The following RBFOX1 variants were observed in gnomAD, a reference collection of about 807,000 sequenced individuals.
RBFOX1 encodes the protein RNA binding protein fox-1 homolog 1.
RBFOX1 carries 8 observed loss-of-function variants against 57.7 expected under a neutral mutation model. That is an observed-to-expected ratio of 0.14 (90% CI 0.08 to 0.25). RBFOX1 has a LOEUF of 0.25. Among genes scored for constraint, RBFOX1 ranks in the 10% least tolerant of loss-of-function variants. The pLI is 1.00. For missense variants in RBFOX1, 611 were observed against 548.5 expected (o/e 1.11, Z -1.14); for synonymous variants, 326 against 222.4 (o/e 1.47, Z -4.15).
intron 4 of RBFOX1, among the ~76,000 whole-genome samples, chr16:7,057,681 C>G (rs1315172411): frequency 1.3e-5 from 2 of 152,130 alleles, no homozygotes; most frequent in African/African-American, 4.8e-5. Context: ...GACTTCATTA[C>G]TGGGGAAAAG....
intron 3 of RBFOX1, among the ~76,000 whole-genome samples, chr16:7,010,664 A>C (rs2093612057): frequency 6.6e-6 from 1 of 152,058 alleles, no homozygotes; most frequent in Non-Finnish European, 1.5e-5. Context: ...CCTGGGTTCA[A>C]GAGATTCTCC....
intron 3 of RBFOX1, among the ~76,000 whole-genome samples, chr16:5,834,730 G>GATACATACATACATAC (rs763479891): frequency 1.8e-4 from 26 of 146,300 alleles, no homozygotes; most frequent in Non-Finnish European, 1.8e-4. Context: ...TAGATACATA[G>GATACATACATACATAC]ATACATACAT....
intron 2 of RBFOX1, among the ~76,000 whole-genome samples, chr16:5,591,785 A>G (rs1283620159): frequency 6.6e-6 from 1 of 152,174 alleles, no homozygotes; most frequent in South Asian, 2.1e-4. Flanking sequence ...AATGGAATTT[A>G]TGTTGTTCCC....
At chr16:7,196,448 C>T (rs1377373164) in intron 4 of RBFOX1, among the ~76,000 whole-genome samples, 2 of 152,196 alleles carry the variant, frequency 1.3e-5, no homozygotes, top group East Asian at 3.9e-4. Context: ...CCATTGCCAA[C>T]ACTGATAGTG....
chr16:6,675,122 T>C (rs143756540), intron 3 of RBFOX1, among the ~76,000 whole-genome samples: 4,230 of 152,146 alleles, frequency 0.028, 199 homozygotes, highest in African/African-American at 0.096. Flanking sequence ...GCCAGGATGG[T>C]CTCGATCTCT....
chr16:6,826,844 A>C (rs1232756463), intron 3 of RBFOX1, among the ~76,000 whole-genome samples: 1 of 152,214 alleles, frequency 6.6e-6, no homozygotes, highest in East Asian at 1.9e-4. Context: ...TTTAAATTGA[A>C]ATCCTCAAAC....
chr16:5,525,332 C>G (rs1261328096), intron 2 of RBFOX1, among the ~76,000 whole-genome samples: 1 of 151,992 alleles, frequency 6.6e-6, no homozygotes, highest in Non-Finnish European at 1.5e-5. Context: ...AACCCTTCCT[C>G]TTGTTTTATA....
At chr16:6,737,440 T>C (rs77174765) in intron 3 of RBFOX1, among the ~76,000 whole-genome samples, 1,899 of 152,268 alleles carry the variant, frequency 0.012, 43 homozygotes, top group African/African-American at 0.043. Flanking sequence ...AGAATTCAAA[T>C]ATTTGAAAGT....
chr16:6,427,909 C>G (rs373455394), intron 2 of RBFOX1, among the ~76,000 whole-genome samples: 123 of 152,248 alleles, frequency 8.1e-4, no homozygotes, highest in African/African-American at 2.8e-3. Flanking sequence ...GTTTTCTCAT[C>G]TGTAAAATGG....
chr16:6,987,525 G>A (rs1487153685), intron 3 of RBFOX1, among the ~76,000 whole-genome samples: 1 of 144,642 alleles, frequency 6.9e-6, no homozygotes. Flanking sequence ...CCCACACATT[G>A]CAAACATAAT....
chr16:7,485,733 G>C (rs2065196446), intron 4 of RBFOX1, among the ~76,000 whole-genome samples: 1 of 152,176 alleles, frequency 6.6e-6, no homozygotes, highest in African/African-American at 2.4e-5. Context: ...CATAATGTAT[G>C]TACATATATG....
chr16:7,627,066 A>G (rs2142369948), intron 10 of RBFOX1, among the ~76,000 whole-genome samples: 1 of 151,776 alleles, frequency 6.6e-6, no homozygotes, highest in South Asian at 2.1e-4. Flanking sequence ...AGGACAAGGG[A>G]GAGAAGAGGT....
chr16:6,125,078 C>G (rs557576025), intron 1 of RBFOX1, among the ~76,000 whole-genome samples: 3 of 152,188 alleles, frequency 2.0e-5, no homozygotes, highest in African/African-American at 4.8e-5. Flanking sequence ...TCAGAGTTCC[C>G]CATCCTCCAC....
At chr16:6,891,408 C>A (rs749153593) in intron 3 of RBFOX1, among the ~76,000 whole-genome samples, 4 of 152,036 alleles carry the variant, frequency 2.6e-5, no homozygotes, top group Non-Finnish European at 5.9e-5. Context: ...CCCAGAAACC[C>A]GTTTGCCTTT....
chr16:6,282,662 T>C (rs1691087068), intron 1 of RBFOX1, among the ~76,000 whole-genome samples: 1 of 152,140 alleles, frequency 6.6e-6, no homozygotes. Context: ...CTGTGTTAGT[T>C]TGCTGAGAAT....
At chr16:6,479,706 C>G (rs1439669929) in intron 2 of RBFOX1, among the ~76,000 whole-genome samples, 1 of 152,100 alleles carries the variant, frequency 6.6e-6, no homozygotes, top group Non-Finnish European at 1.5e-5. Context: ...CACCTGGTTT[C>G]TCCCCTTGAC....
At chr16:5,563,325 C>G (rs181935189) in intron 2 of RBFOX1, among the ~76,000 whole-genome samples, 10 of 152,204 alleles carry the variant, frequency 6.6e-5, no homozygotes, top group Non-Finnish European at 1.2e-4. Flanking sequence ...CAAAACACCT[C>G]CTAGGTGAAC....
intron 3 of RBFOX1, among the ~76,000 whole-genome samples, chr16:6,997,501 T>TAACA (rs2092367427): frequency 1.3e-5 from 2 of 152,216 alleles, no homozygotes; most frequent in African/African-American, 2.4e-5. Flanking sequence ...ATTTGTATCT[T>TAACA]TTAATTGTTG....
chr16:6,722,645 C>G (rs1295565002), intron 3 of RBFOX1, among the ~76,000 whole-genome samples: 1 of 152,160 alleles, frequency 6.6e-6, no homozygotes, highest in East Asian at 1.9e-4. Flanking sequence ...AAATATCCAA[C>G]TGGAAACCAT....
Sources: allele counts gnomAD v4.1 joint callset (sites outside exome capture counted in the v4.1 genomes callset), GRCh38; gene constraint gnomAD v4.1.1; transcripts MANE v1.5; gene names NCBI Gene and HGNC (gene_info 2026-07-23, HGNC 2026-07-21).